Variants in NTRK2 observed in about 807,000 individuals in gnomAD.
The protein encoded by NTRK2 is neurotrophic receptor tyrosine kinase 2, also known as BDNF/NT-3 growth factors receptor.
Under a neutral mutation model 94.5 loss-of-function variants are expected in NTRK2, and 13 were observed. The ratio of observed to expected loss-of-function variants is 0.14; its 90% CI spans 0.09 to 0.22. The LOEUF (loss-of-function observed/expected upper bound fraction) is 0.22, where lower values mean the gene tolerates loss of function less well. NTRK2 is among the 10% of genes least tolerant of loss of function. The pLI, the probability that NTRK2 is intolerant of heterozygous loss-of-function variation, is 1.00. For synonymous variants in NTRK2, 372 were observed against 407.4 expected (o/e 0.91, Z 1.05); for missense variants, 639 against 1,071.2 (o/e 0.60, Z 5.63).
At chr9:84,698,298 C>A (rs557254251) in intron 2 of NTRK2, among the ~76,000 whole-genome samples, 3 of 152,064 alleles carry the variant, frequency 2.0e-5, no homozygotes, top group South Asian at 2.1e-4. Flanking sequence ...GTTACATGTA[C>A]GTATCAGTAT....
rs143574644 is a variant in NTRK2 at position 84,750,401 on chromosome 9, A to G, written c.1297-1585A>G. Reference sequence around the variant, plus strand: ...AGCAAGCCAGGAAATGTATCCTACAAAGAGAAACACAGAGAAAACCAGAAA... The same window carrying G: ...AGCAAGCCAGGAAATGTATCCTACAGAGAGAAACACAGAGAAAACCAGAAA... On this transcript the variant is annotated intron_variant, in intron 11 of 18. Transcript: ENST00000277120. Among the ~76,000 whole-genome samples the G allele has an allele frequency of 6.6e-5, 10 of 152,324 alleles. No individual in the cohort carries two copies. In the East Asian group the frequency reaches 1.9e-3, roughly 29 times the overall value.
intron 12 of NTRK2, among the ~76,000 whole-genome samples, chr9:84,796,241 TCTC>T (rs1003510133): frequency 2.0e-5 from 3 of 152,152 alleles, no homozygotes; most frequent in African/African-American, 7.2e-5. Context: ...ATCTAGGCCT[TCTC>T]CTCTTGTTTG....
At chr9:84,904,053 G>A (rs978956235) in intron 14 of NTRK2, among the ~76,000 whole-genome samples, 4 of 152,124 alleles carry the variant, frequency 2.6e-5, no homozygotes, top group Non-Finnish European at 5.9e-5. Flanking sequence ...TTTTAAATCC[G>A]AAGTTATTAT....
chr9:84,923,767 T>A (rs2077644634), intron 14 of NTRK2, among the ~76,000 whole-genome samples: 1 of 151,830 alleles, frequency 6.6e-6, no homozygotes. Context: ...AATACAAAAA[T>A]TAGCTGGGTA....
chr9:84,719,759 C>T (rs2061940086), intron 6 of NTRK2, among the ~76,000 whole-genome samples: 1 of 152,004 alleles, frequency 6.6e-6, no homozygotes, highest in Non-Finnish European at 1.5e-5. Flanking sequence ...TGGCTCATAC[C>T]TATAATCCTA....
intron 9 of NTRK2, among the ~76,000 whole-genome samples, chr9:84,740,506 C>A (rs1437947565): frequency 6.6e-6 from 1 of 152,222 alleles, no homozygotes; most frequent in Non-Finnish European, 1.5e-5. Flanking sequence ...GTGCACTGCA[C>A]AATTTCCCAT....
At chr9:84,957,624 T>C (rs1824313930) in intron 17 of NTRK2, among the ~76,000 whole-genome samples, 1 of 152,226 alleles carries the variant, frequency 6.6e-6, no homozygotes, top group African/African-American at 2.4e-5. Flanking sequence ...AAATTGAAAC[T>C]CTGGTACTCT....
chr9:84,870,126 T>C (rs4877885), intron 14 of NTRK2, among the ~76,000 whole-genome samples: 40,163 of 94,586 alleles, frequency 0.42, 8,542 homozygotes, highest in Non-Finnish European at 0.56. Context: ...TATATATATA[T>C]ACACACACAC....
At chr9:84,856,247 C>T (rs1158915529) in intron 12 of NTRK2, among the ~76,000 whole-genome samples, 2 of 152,096 alleles carry the variant, frequency 1.3e-5, no homozygotes, top group South Asian at 2.1e-4. Context: ...ATTTCCAGAA[C>T]CAGTTTAACT....
At chr9:84,942,637 A>G (rs2078450849) in intron 15 of NTRK2, among the ~76,000 whole-genome samples, 1 of 152,192 alleles carries the variant, frequency 6.6e-6, no homozygotes, top group Non-Finnish European at 1.5e-5. Flanking sequence ...AAAAAGAAAC[A>G]TATGAAACTT....
At chr9:84,720,597 T>C (rs773672604) in intron 6 of NTRK2, among the ~76,000 whole-genome samples, 17 of 152,020 alleles carry the variant, frequency 1.1e-4, no homozygotes, top group Non-Finnish European at 2.2e-4. Context: ...TTCTTAAAGA[T>C]GTATGAATAG....
At chr9:84,831,636 G>A (rs138279159) in intron 12 of NTRK2, among the ~76,000 whole-genome samples, 18 of 152,296 alleles carry the variant, frequency 1.2e-4, no homozygotes, top group African/African-American at 4.1e-4. Context: ...TGAGGCCCAA[G>A]GAGGCTAAAT....
chr9:85,014,052 A>T (rs1436418572), intron 17 of NTRK2, among the ~76,000 whole-genome samples: 1 of 152,234 alleles, frequency 6.6e-6, no homozygotes, highest in Non-Finnish European at 1.5e-5. Flanking sequence ...TCAGAAGCAC[A>T]GAAGGGAGAT....
rs1384308486 is a variant in NTRK2 at position 84,804,702 on chromosome 9, G to T, written c.1396+52617G>T. 2.0e-5 allele frequency among the ~76,000 whole-genome samples: 3 copies of T among 152,212 alleles called. No homozygotes were observed. The East Asian group carries it at 5.8e-4, about 29-fold the overall frequency. ...GGCAGCAGCAACTGCATACTCTTCT[G>T]TGATGACATATATTGCTTATCTGTA... On this transcript the variant is annotated intron_variant, in intron 12 of 18. Coordinates refer to ENST00000277120, the MANE Select transcript of NTRK2 (RefSeq NM_006180.6).
rs761757031 is a variant in NTRK2 at position 85,021,254 on chromosome 9, G to C, written c.2334G>C (p.Val778=). 2.5e-6 allele frequency: 4 copies of C among 1,613,892 alleles called. No homozygotes were observed. Among genetic ancestry groups the C allele is most frequent in the Non-Finnish European group, 3.4e-6 (4 of 1,179,890 alleles). ...TCCTATCTTTGATCTCCATCCAGGTGATAGAGTGTATCACTCAGGGCCGAG... is the reference window on the plus strand; with the variant it reads ...TCCTATCTTTGATCTCCATCCAGGTCATAGAGTGTATCACTCAGGGCCGAG... ...QPWYQLSNNE[V]IECITQGRVL... The change falls in exon 19 of 19, where the codon GTG becomes GTC. Residue 778 remains valine (V), a splice_region_variant and synonymous_variant. Coordinates refer to ENST00000277120, the MANE Select transcript of NTRK2 (RefSeq NM_006180.6).
chr9:84,985,781 G>T (rs1828215993), intron 17 of NTRK2, among the ~76,000 whole-genome samples: 1 of 152,184 alleles, frequency 6.6e-6, no homozygotes, highest in Non-Finnish European at 1.5e-5. Flanking sequence ...ATTGATTAAG[G>T]CTCCGTGTTA....
chr9:84,716,717 C>T (rs1169303273), intron 6 of NTRK2, among the ~76,000 whole-genome samples: 1 of 152,128 alleles, frequency 6.6e-6, no homozygotes, highest in African/African-American at 2.4e-5. Flanking sequence ...CACAGTGGAT[C>T]GTTGTTTTTC....
intron 4 of NTRK2, among the ~76,000 whole-genome samples, chr9:84,703,464 A>G (rs1403856887): frequency 6.6e-6 from 1 of 152,220 alleles, no homozygotes; most frequent in Non-Finnish European, 1.5e-5. Flanking sequence ...TGTTCTTACA[A>G]TAAGAGCACA....
Position 84,744,962 on chromosome 9 carries a change from G to T in NTRK2, c.1196-11G>T, listed in dbSNP as rs200385464. The T allele has an allele frequency of 6.3e-7, 1 of 1,596,260 alleles. No homozygotes were observed. The highest frequency in any genetic ancestry group is 8.6e-7 in the Non-Finnish European group (1 of 1,164,076). On this transcript the variant is annotated splice_polypyrimidine_tract_variant and intron_variant, in intron 10 of 18. Transcript: ENST00000277120. ...TCATGTTCTTCCTCATTCCCCCTTTGCCCACTTAAGATTATGGAACTGCAG... is the reference window on the plus strand; with the variant it reads ...TCATGTTCTTCCTCATTCCCCCTTTTCCCACTTAAGATTATGGAACTGCAG...
Sources: allele counts gnomAD v4.1 joint callset (sites outside exome capture counted in the v4.1 genomes callset), GRCh38; gene constraint gnomAD v4.1.1; transcripts MANE v1.5; gene names NCBI Gene and HGNC (gene_info 2026-07-23, HGNC 2026-07-21).